The following PBX1 variants were observed in gnomAD, a reference collection of about 807,000 sequenced individuals.
The protein encoded by PBX1 is pre-B-cell leukemia transcription factor 1.
PBX1 carries 6 observed loss-of-function variants against 53.4 expected under a neutral mutation model. That is an observed-to-expected ratio of 0.11 (90% CI 0.06 to 0.22). PBX1 has a LOEUF of 0.22. Ranked by LOEUF, PBX1 falls within the 10% of genes least tolerant of loss-of-function variation. The pLI is 1.00. For synonymous variants in PBX1, 204 were observed against 212.3 expected, an observed-to-expected ratio of 0.96 and a Z score of 0.34; for missense variants, 251 against 551.4, an observed-to-expected ratio of 0.46 and a Z score of 5.46.
intron 2 of PBX1, among the ~76,000 whole-genome samples, chr1:164,611,484 C>T (rs1571062964): frequency 6.6e-6 from 1 of 151,926 alleles, no homozygotes; most frequent in African/African-American, 2.4e-5. Flanking sequence ...GTGATCCGCC[C>T]GCCTCGGCCT....
chr1:164,852,737 GA>G (rs1277788483), downstream of PBX1, among the ~76,000 whole-genome samples: 4 of 152,166 alleles, frequency 2.6e-5, no homozygotes, highest in Non-Finnish European at 5.9e-5. Flanking sequence ...CAGCCTATGG[GA>G]ATCAAATTAT....
intron 2 of PBX1, among the ~76,000 whole-genome samples, chr1:164,622,805 A>G (rs537847134): frequency 1.3e-5 from 2 of 149,906 alleles, no homozygotes; most frequent in South Asian, 4.2e-4. Context: ...CTATACATAC[A>G]TACACACAGT....
chr1:164,833,538 A>T (rs1394444498), intron 8 of PBX1, among the ~76,000 whole-genome samples: 1 of 152,216 alleles, frequency 6.6e-6, no homozygotes, highest in African/African-American at 2.4e-5. Flanking sequence ...AGTACTTCCT[A>T]GTTCCTTCAG....
chr1:164,781,963 C>A (rs1667954791), intron 2 of PBX1, among the ~76,000 whole-genome samples: 1 of 152,222 alleles, frequency 6.6e-6, no homozygotes. Context: ...AGATTTTTAT[C>A]TTATTTTTAG....
chr1:164,629,966 C>A (rs1658304910), intron 2 of PBX1, among the ~76,000 whole-genome samples: 1 of 152,126 alleles, frequency 6.6e-6, no homozygotes, highest in Admixed American at 6.5e-5. Flanking sequence ...TTTTGAAAGA[C>A]AGTGCGAATG....
chr1:164,801,196 G>A (rs1447305314), intron 4 of PBX1, among the ~76,000 whole-genome samples: 2 of 152,156 alleles, frequency 1.3e-5, no homozygotes, highest in South Asian at 2.1e-4. Context: ...TTCCCCAGCT[G>A]GGTATAGTAA....
At chr1:164,677,924 T>G (rs1404783061) in intron 2 of PBX1, among the ~76,000 whole-genome samples, 1 of 152,106 alleles carries the variant, frequency 6.6e-6, no homozygotes, top group Non-Finnish European at 1.5e-5. Context: ...AGTAGGTAAT[T>G]CACATATATT....
At chr1:164,845,164 G>A (rs150659115) in intron 8 of PBX1, among the ~76,000 whole-genome samples, 6 of 152,268 alleles carry the variant, frequency 3.9e-5, no homozygotes, top group South Asian at 2.1e-4. Context: ...TGGGAAAATT[G>A]GAGCATCATT....
chr1:164,720,962 T>A (rs918300820), intron 2 of PBX1, among the ~76,000 whole-genome samples: 2 of 152,170 alleles, frequency 1.3e-5, no homozygotes, highest in African/African-American at 4.8e-5. Context: ...TTTAGGTTCA[T>A]CCTCTTGAGC....
At chr1:164,631,160 T>C (rs895825854) in intron 2 of PBX1, 1 of 152,252 alleles carries the variant, frequency 6.6e-6, no homozygotes, top group African/African-American at 2.4e-5. Context: ...GTGTTGTTTT[T>C]GTTTTTGTTT....
At chr1:164,635,894 C>A (rs1259018150) in intron 2 of PBX1, among the ~76,000 whole-genome samples, 1 of 152,194 alleles carries the variant, frequency 6.6e-6, no homozygotes, top group African/African-American at 2.4e-5. Context: ...GTGGCAAGCT[C>A]AGTAAAGATG....
intron 2 of PBX1, among the ~76,000 whole-genome samples, chr1:164,740,252 T>A (rs1665531330): frequency 6.6e-6 from 1 of 152,156 alleles, no homozygotes; most frequent in East Asian, 1.9e-4. Context: ...GTTGCAGTTA[T>A]CTCTACTATG....
intron 2 of PBX1, chr1:164,605,258 GA>G (rs933411266): frequency 2.0e-5 from 3 of 152,256 alleles, no homozygotes; most frequent in African/African-American, 7.2e-5. Context: ...GTAAGGGGCA[GA>G]GGGGAGCAGA....
At chr1:164,664,903 C>T (rs549156393) in intron 2 of PBX1, among the ~76,000 whole-genome samples, 2 of 48,990 alleles carry the variant, frequency 4.1e-5, no homozygotes, top group Admixed American at 4.4e-4. Context: ...CCCACTGAGT[C>T]CCTCCCACAA....
intron 2 of PBX1, chr1:164,683,806 GTTTGTTTTGTTTTGT>G (rs921839868): frequency 2.3e-5 from 3 of 130,622 alleles, no homozygotes; most frequent in South Asian, 2.4e-4. Context: ...ATTGGATTTT[GTTTGTTTTGTTTTGT>G]TTTGTTTTGT....
rs377575154 is a variant in PBX1, at chr1:164,828,878, A to G, written c.1200+7252A>G. ...TGTTCTTAGACAAGCTTGTTTTCGG[A>G]TAAAATATTAGACTTTTTTCTTAGA... On this transcript the variant is annotated intron_variant, in intron 8 of 8. Transcript: ENST00000420696. The G allele has an allele frequency of 7.2e-5, 11 of 152,280 alleles. No individual in the cohort carries two copies. The East Asian group carries it at 2.1e-3, about 29-fold the overall frequency. The allele number at this position is 152,280 out of a possible 1,614,324, so 9.4% of individuals were successfully genotyped here.
chr1:164,584,343 G>GA (rs1245399224), intron 2 of PBX1, among the ~76,000 whole-genome samples: 2 of 151,330 alleles, frequency 1.3e-5, no homozygotes, highest in African/African-American at 2.4e-5. Flanking sequence ...CTCTAGGAAG[G>GA]AGGGAGGGAG....
At chr1:164,577,208 C>G (rs1242501633) in intron 2 of PBX1, among the ~76,000 whole-genome samples, 1 of 152,176 alleles carries the variant, frequency 6.6e-6, no homozygotes, top group East Asian at 1.9e-4. Flanking sequence ...GTCATCTTCC[C>G]CTAGGGAGAT....
chr1:164,709,018 C>T (rs563050087), intron 2 of PBX1, among the ~76,000 whole-genome samples: 4 of 152,288 alleles, frequency 2.6e-5, no homozygotes, highest in South Asian at 2.1e-4. Context: ...CACACAGCCG[C>T]GGAGACACCC....
Sources: allele counts gnomAD v4.1 joint callset (sites outside exome capture counted in the v4.1 genomes callset), GRCh38; gene constraint gnomAD v4.1.1; transcripts MANE v1.5; gene names NCBI Gene and HGNC (gene_info 2026-07-23, HGNC 2026-07-21).